The following SNX18 variants were observed in gnomAD, a reference collection of about 807,000 sequenced individuals.
The protein encoded by SNX18 is sorting nexin-18.
SNX18 carries 35 observed loss-of-function variants against 48.7 expected under a neutral mutation model. That is an observed-to-expected ratio of 0.72 (90% CI 0.55 to 0.95). The LOEUF (loss-of-function observed/expected upper bound fraction) is 0.95, where lower values mean the gene tolerates loss of function less well. Among genes scored for constraint, SNX18 ranks in the 40% least tolerant of loss-of-function variants. The pLI is 0.00. For synonymous variants in SNX18, 492 were observed against 384.7 expected, an observed-to-expected ratio of 1.28 and a Z score of -3.26; for missense variants, 824 against 871.0, an observed-to-expected ratio of 0.95 and a Z score of 0.68.
At chr5:54,623,582 A>G in the SNX18 span, among the ~76,000 whole-genome samples, 1 of 152,212 alleles carries the variant, frequency 6.6e-6, no homozygotes, top group Admixed American at 6.5e-5. Flanking sequence ...TACAGCTACA[A>G]GAACTTACCA....
chr5:54,536,233 A>AT (rs111248726), intron 1 of SNX18, among the ~76,000 whole-genome samples: 47 of 150,368 alleles, frequency 3.1e-4, no homozygotes, highest in South Asian at 2.1e-3. Context: ...CTTCAAATTC[A>AT]TTTTTTTTTT....
At chr5:54,530,432 G>A (rs1345618435) in intron 1 of SNX18, among the ~76,000 whole-genome samples, 1 of 152,116 alleles carries the variant, frequency 6.6e-6, no homozygotes, top group Non-Finnish European at 1.5e-5. Context: ...TAGGATTCGA[G>A]TGCATTATTT....
At chr5:54,560,141 A>G in the SNX18 span, among the ~76,000 whole-genome samples, 11 of 152,248 alleles carry the variant, frequency 7.2e-5, no homozygotes, top group African/African-American at 2.7e-4. Context: ...TACCCAAAGG[A>G]ATGTAAGTCA....
chr5:54,569,091 C>T, the SNX18 span, among the ~76,000 whole-genome samples: 1 of 152,032 alleles, frequency 6.6e-6, no homozygotes, highest in African/African-American at 2.4e-5. Context: ...GATCTACCCA[C>T]CTTAGCCTCC....
the SNX18 span, among the ~76,000 whole-genome samples, chr5:54,586,407 T>G: frequency 6.6e-6 from 1 of 151,890 alleles, no homozygotes; most frequent in African/African-American, 2.4e-5. Flanking sequence ...CATTTTCTGC[T>G]GCTATAAGAG....
the SNX18 span, among the ~76,000 whole-genome samples, chr5:54,647,677 C>T: frequency 6.6e-5 from 10 of 152,128 alleles, no homozygotes; most frequent in African/African-American, 2.2e-4. Context: ...GAGGAGATTC[C>T]CAGAAAATGA....
chr5:54,573,014 G>A, the SNX18 span, among the ~76,000 whole-genome samples: 2 of 151,412 alleles, frequency 1.3e-5, no homozygotes, highest in African/African-American at 4.9e-5. Context: ...GCCTCCCGAT[G>A]TTTATGGTTA....
chr5:54,600,270 A>G, the SNX18 span, among the ~76,000 whole-genome samples: 1 of 152,222 alleles, frequency 6.6e-6, no homozygotes, highest in South Asian at 2.1e-4. Flanking sequence ...TCAAAAAACC[A>G]CAATGAGATA....
At chr5:54,642,689 G>A in the SNX18 span, among the ~76,000 whole-genome samples, 5 of 152,262 alleles carry the variant, frequency 3.3e-5, no homozygotes, top group Non-Finnish European at 5.9e-5. Context: ...AATATCTAGC[G>A]TCTTAACATA....
chr5:54,590,498 G>A, the SNX18 span, among the ~76,000 whole-genome samples: 1 of 152,154 alleles, frequency 6.6e-6, no homozygotes, highest in Non-Finnish European at 1.5e-5. Context: ...AGATCCATGT[G>A]ATCATTGCTT....
At chr5:54,613,316 G>A in the SNX18 span, among the ~76,000 whole-genome samples, 1 of 152,104 alleles carries the variant, frequency 6.6e-6, no homozygotes, top group African/African-American at 2.4e-5. Context: ...GTTCAAGGTT[G>A]AAGGGCTGGC....
the SNX18 span, among the ~76,000 whole-genome samples, chr5:54,586,769 T>C: frequency 6.6e-6 from 1 of 152,098 alleles, no homozygotes; most frequent in Non-Finnish European, 1.5e-5. Flanking sequence ...CCATACATAG[T>C]AGGATCATAG....
chr5:54,575,482 C>T, the SNX18 span, among the ~76,000 whole-genome samples: 1 of 150,834 alleles, frequency 6.6e-6, no homozygotes, highest in African/African-American at 2.4e-5. Flanking sequence ...AGCGATTCTC[C>T]TGCCTCAGCC....
the SNX18 span, among the ~76,000 whole-genome samples, chr5:54,612,980 A>G: frequency 6.6e-6 from 1 of 152,154 alleles, no homozygotes; most frequent in Non-Finnish European, 1.5e-5. Flanking sequence ...CCCCACAGCA[A>G]AGCTGTCATC....
the SNX18 span, chr5:54,644,510 C>T: frequency 1.3e-5 from 2 of 152,304 alleles, no homozygotes; most frequent in East Asian, 3.9e-4. Context: ...CCCCCTCTTC[C>T]TAAGAGAAAC....
At chr5:54,581,145 G>T in the SNX18 span, among the ~76,000 whole-genome samples, 1 of 152,150 alleles carries the variant, frequency 6.6e-6, no homozygotes, top group Non-Finnish European at 1.5e-5. Flanking sequence ...TGGCCAGGTT[G>T]TGCTGCACCT....
chr5:54,522,935 A>T (rs948892671), intron 1 of SNX18, among the ~76,000 whole-genome samples: 1 of 152,210 alleles, frequency 6.6e-6, no homozygotes, highest in Non-Finnish European at 1.5e-5. Context: ...TTTTTCATCA[A>T]CGGATGGAGT....
the SNX18 span, among the ~76,000 whole-genome samples, chr5:54,609,253 A>G: frequency 6.6e-6 from 1 of 152,176 alleles, no homozygotes; most frequent in African/African-American, 2.4e-5. Flanking sequence ...ATTTTAATTA[A>G]TTTAGAACTT....
rs1037127433 is a variant in SNX18 at position 54,529,039 on chromosome 5, G to C, written c.1621+9466G>C. 2.0e-5 allele frequency among the ~76,000 whole-genome samples: 3 copies of C among 152,316 alleles called. No individual in the cohort carries two copies. The East Asian group carries it at 5.8e-4, about 29-fold the overall frequency. ...TGGAGGTGATAGCGGAAACACGGAA[G>C]ATCAAATGGGGTGCCGACATGGCCA... On this transcript the variant is annotated intron_variant, in intron 1 of 1. Coordinates refer to ENST00000381410, the MANE Select transcript of SNX18 (RefSeq NM_001102575.2).
Sources: gnomAD v4.1 joint callset for allele counts (sites outside exome capture counted in the v4.1 genomes callset) on GRCh38, gnomAD v4.1.1 for gene constraint, MANE v1.5 for transcripts, NCBI Gene and HGNC (gene_info 2026-07-23, HGNC 2026-07-21) for gene names.